ADGRL2: variants seen among roughly 807,000 people sequenced by gnomAD.
ADGRL2 encodes the protein adhesion G protein-coupled receptor L2.
Under a neutral mutation model 157.4 loss-of-function variants are expected in ADGRL2, and 44 were observed. The observed-to-expected ratio is 0.28, with a 90% CI of 0.22 to 0.36. ADGRL2 has a LOEUF of 0.36. Ranked by LOEUF, ADGRL2 falls within the 10% of genes least tolerant of loss-of-function variation. The pLI, the probability that ADGRL2 is intolerant of heterozygous loss-of-function variation, is 1.00. For missense variants in ADGRL2, 1,510 were observed against 1,768.9 expected (o/e 0.85, Z 2.63); for synonymous variants, 585 against 624.7 (o/e 0.94, Z 0.95).
chr1:81,809,960 C>T (rs1557684742), intron 1 of ADGRL2, among the ~76,000 whole-genome samples: 1 of 151,880 alleles, frequency 6.6e-6, no homozygotes, highest in Non-Finnish European at 1.5e-5. Flanking sequence ...ATTTTTACAT[C>T]AGTCCACACC....
At chr1:81,888,142 G>C (rs1351516560) in intron 2 of ADGRL2, among the ~76,000 whole-genome samples, 2 of 152,106 alleles carry the variant, frequency 1.3e-5, no homozygotes, top group Admixed American at 1.3e-4. Context: ...CTCAAGTAGA[G>C]AAAAATTCAA....
At chr1:81,670,884 A>G (rs569032796) in intron 3 of ADGRL2, among the ~76,000 whole-genome samples, 1 of 152,068 alleles carries the variant, frequency 6.6e-6, no homozygotes, top group African/African-American at 2.4e-5. Flanking sequence ...TAATTTTTGT[A>G]TTTTTTGTGG....
chr1:81,850,096 C>T (rs964804459), intron 2 of ADGRL2, among the ~76,000 whole-genome samples: 2 of 151,892 alleles, frequency 1.3e-5, no homozygotes, highest in Non-Finnish European at 2.9e-5. Context: ...AACACCTTTA[C>T]CAGAATGAAA....
intron 2 of ADGRL2, among the ~76,000 whole-genome samples, chr1:81,788,633 A>G (rs2087173253): frequency 1.3e-5 from 2 of 152,322 alleles, no homozygotes; most frequent in African/African-American, 4.8e-5. Context: ...TTAGAAGGTA[A>G]AGCCTCTCCT....
intron 1 of ADGRL2, among the ~76,000 whole-genome samples, chr1:81,383,886 G>A (rs1182850261): frequency 1.4e-4 from 21 of 146,366 alleles, no homozygotes; most frequent in African/African-American, 3.5e-4. Context: ...CCCAGGAGGC[G>A]GAGGTTGCAG....
chr1:81,530,953 G>T (rs1160467166), intron 2 of ADGRL2, among the ~76,000 whole-genome samples: 1 of 143,232 alleles, frequency 7.0e-6, no homozygotes, highest in Non-Finnish European at 1.5e-5. Flanking sequence ...GCATGGTGGC[G>T]CACACCTGTA....
chr1:81,480,315 G>A (rs2078358893), intron 2 of ADGRL2, among the ~76,000 whole-genome samples: 1 of 151,094 alleles, frequency 6.6e-6, no homozygotes, highest in Non-Finnish European at 1.5e-5. Flanking sequence ...AAGGTAAAAA[G>A]TCAAGTATTT....
chr1:81,911,901 G>A (rs1414957010), intron 3 of ADGRL2, among the ~76,000 whole-genome samples: 6 of 149,286 alleles, frequency 4.0e-5, no homozygotes, highest in Admixed American at 3.3e-4. Flanking sequence ...TTTTGCGGGG[G>A]GATGGATTGA....
At chr1:81,611,886 G>A (rs530461693) in intron 3 of ADGRL2, among the ~76,000 whole-genome samples, 3 of 152,196 alleles carry the variant, frequency 2.0e-5, no homozygotes, top group South Asian at 4.1e-4. Flanking sequence ...TCGTGCTGGT[G>A]AGGGAGTTCT....
chr1:81,876,454 C>T (rs2093843891), intron 2 of ADGRL2, among the ~76,000 whole-genome samples: 1 of 152,058 alleles, frequency 6.6e-6, no homozygotes, highest in African/African-American at 2.4e-5. Flanking sequence ...TGACCTTTTA[C>T]ACTCATTCAT....
Position 81,836,937 on chromosome 1 carries a change from A to G in ADGRL2, c.-48A>G. On this transcript the variant is annotated 5_prime_UTR_variant, in exon 2 of 24. In the 5' UTR this introduces an upstream ATG that the reference lacks. Transcript: ENST00000686636. The stretch of plus-strand genomic sequence containing the variant: ...GGTTTTGATGAAGCTGGGCATTTAT[A>G]ACTAGATTCATTAAGGAATACAAAG... 8.9e-7 allele frequency: 1 copy of G among 1,121,470 alleles called. No homozygotes were observed. The highest frequency in any genetic ancestry group is 1.3e-6 in the Non-Finnish European group (1 of 766,786). 69.5% of individuals were successfully genotyped at this position (1,121,470 alleles called of 1,614,324 possible).
intron 6 of ADGRL2, among the ~76,000 whole-genome samples, chr1:81,948,110 G>C (rs1346301148): frequency 6.6e-6 from 1 of 151,828 alleles, no homozygotes; most frequent in African/African-American, 2.4e-5. Context: ...CCAGCTACTC[G>C]GGAAGCTGAA....
intron 1 of ADGRL2, among the ~76,000 whole-genome samples, chr1:81,352,033 G>A (rs1192563022): frequency 6.6e-6 from 1 of 152,220 alleles, no homozygotes; most frequent in Non-Finnish European, 1.5e-5. Context: ...GGTTTGTACT[G>A]CTTCTAACCT....
At chr1:81,772,624 G>A (rs1451826403) in intron 2 of ADGRL2, among the ~76,000 whole-genome samples, 2 of 152,094 alleles carry the variant, frequency 1.3e-5, no homozygotes, top group African/African-American at 4.8e-5. Flanking sequence ...AGCTACTCGA[G>A]AGGCTGAGGC....
At chr1:81,896,148 G>A (rs755386715) in intron 2 of ADGRL2, among the ~76,000 whole-genome samples, 6 of 152,196 alleles carry the variant, frequency 3.9e-5, no homozygotes, top group African/African-American at 9.6e-5. Flanking sequence ...TGAAATTGTC[G>A]TTTACTTATT....
intron 1 of ADGRL2, among the ~76,000 whole-genome samples, chr1:81,334,921 T>C (rs1341545889): frequency 6.6e-6 from 1 of 152,186 alleles, no homozygotes; most frequent in Non-Finnish European, 1.5e-5. Flanking sequence ...AATAAAGGTG[T>C]AAAGGTGTCT....
chr1:81,778,433 A>T (rs2149372057), intron 2 of ADGRL2, among the ~76,000 whole-genome samples: 1 of 151,734 alleles, frequency 6.6e-6, no homozygotes, highest in African/African-American at 2.4e-5. Flanking sequence ...AGATCTGTAT[A>T]TCTATTGTTC....
chr1:81,485,759 AAGAG>A (rs751457438), intron 2 of ADGRL2, among the ~76,000 whole-genome samples: 1 of 152,152 alleles, frequency 6.6e-6, no homozygotes. Flanking sequence ...ACATTTAGAA[AAGAG>A]AGAGCCAGAT....
At chr1:81,780,268 T>C (rs1372569278) in intron 2 of ADGRL2, among the ~76,000 whole-genome samples, 3 of 152,204 alleles carry the variant, frequency 2.0e-5, no homozygotes, top group Non-Finnish European at 4.4e-5. Flanking sequence ...CCAAATTCTA[T>C]GCCCAGAAAA....
Sources: gnomAD v4.1 joint callset for allele counts (sites outside exome capture counted in the v4.1 genomes callset) on GRCh38, gnomAD v4.1.1 for gene constraint, MANE v1.5 for transcripts, NCBI Gene and HGNC (gene_info 2026-07-23, HGNC 2026-07-21) for gene names.